Variants in GREM2 observed in about 807,000 individuals in gnomAD.
GREM2 encodes the protein gremlin 2, DAN family BMP antagonist, also known as gremlin-2.
In GREM2, 11 loss-of-function variants were observed where a neutral mutation model predicts 14.2. That is an observed-to-expected ratio of 0.78 (90% CI 0.49 to 1.28). GREM2 has a LOEUF of 1.28. GREM2 is among the 50% of genes most tolerant of loss of function. GREM2 has a pLI of 0.00. For missense variants in GREM2, 210 were observed against 218.5 expected, an observed-to-expected ratio of 0.96 and a Z score of 0.24; for synonymous variants, 98 against 97.6, an observed-to-expected ratio of 1.00 and a Z score of -0.02.
intron 1 of GREM2, among the ~76,000 whole-genome samples, chr1:240,556,852 C>T (rs79952507): frequency 0.036 from 5,543 of 151,966 alleles, 147 homozygotes; most frequent in Non-Finnish European, 0.056. Context: ...GGGACCACTG[C>T]GAAAGGTCGA....
At chr1:240,533,918 G>C (rs1678416559) in intron 1 of GREM2, among the ~76,000 whole-genome samples, 1 of 152,164 alleles carries the variant, frequency 6.6e-6, no homozygotes, top group Non-Finnish European at 1.5e-5. Flanking sequence ...GTGACGTTTA[G>C]TTCACATGGA....
intron 1 of GREM2, among the ~76,000 whole-genome samples, chr1:240,511,187 A>C (rs7548768): frequency 6.6e-6 from 1 of 151,948 alleles, no homozygotes; most frequent in Non-Finnish European, 1.5e-5. Context: ...ACAGATCTTG[A>C]ACTCTAACAT....
intron 1 of GREM2, among the ~76,000 whole-genome samples, chr1:240,526,764 A>G (rs1259784539): frequency 6.6e-6 from 1 of 152,210 alleles, no homozygotes; most frequent in Non-Finnish European, 1.5e-5. Context: ...ATTACGAAAA[A>G]AAAATCTGTG....
intron 1 of GREM2, among the ~76,000 whole-genome samples, chr1:240,541,690 A>G (rs1324326016): frequency 6.6e-6 from 1 of 151,742 alleles, no homozygotes; most frequent in Non-Finnish European, 1.5e-5. Context: ...ACATGGTAAG[A>G]ATTTTTTTTT....
intron 1 of GREM2, among the ~76,000 whole-genome samples, chr1:240,498,596 C>T (rs1316826155): frequency 6.6e-6 from 1 of 152,184 alleles, no homozygotes; most frequent in Non-Finnish European, 1.5e-5. Flanking sequence ...TCTTGCTTGC[C>T]TCTGTCCGTT....
intron 1 of GREM2, among the ~76,000 whole-genome samples, chr1:240,557,231 T>C (rs373867434): frequency 2.0e-5 from 3 of 150,152 alleles, no homozygotes; most frequent in Admixed American, 1.3e-4. Flanking sequence ...AAAAAATAAA[T>C]AAAACGAATC....
intron 1 of GREM2, among the ~76,000 whole-genome samples, chr1:240,604,501 A>G (rs906862511): frequency 1.3e-5 from 2 of 152,186 alleles, no homozygotes; most frequent in African/African-American, 4.8e-5. Context: ...CATGAAAGTA[A>G]TTCTGATTTC....
chr1:240,566,945 G>A (rs1679184194), intron 1 of GREM2, among the ~76,000 whole-genome samples: 1 of 152,132 alleles, frequency 6.6e-6, no homozygotes, highest in Non-Finnish European at 1.5e-5. Flanking sequence ...AAAATTGGCA[G>A]AGCACTACAT....
chr1:240,529,175 C>T (rs1371602071), intron 1 of GREM2, among the ~76,000 whole-genome samples: 1 of 151,156 alleles, frequency 6.6e-6, no homozygotes. Flanking sequence ...AAGTTTGGAC[C>T]CAATGATGTC....
chr1:240,606,616 G>A, intron 1 of GREM2, among the ~76,000 whole-genome samples: 1 of 151,396 alleles, frequency 6.6e-6, no homozygotes, highest in East Asian at 1.9e-4. Context: ...TTCAGTACTT[G>A]TAAGTGAATG....
At chr1:240,590,284 G>C (rs1013255088) in intron 1 of GREM2, among the ~76,000 whole-genome samples, 1 of 152,064 alleles carries the variant, frequency 6.6e-6, no homozygotes, top group Non-Finnish European at 1.5e-5. Flanking sequence ...GTAGTATCTC[G>C]ATAGCTTGCC....
intron 1 of GREM2, among the ~76,000 whole-genome samples, chr1:240,517,024 A>G (rs1226988335): frequency 6.6e-6 from 1 of 152,134 alleles, no homozygotes; most frequent in African/African-American, 2.4e-5. Flanking sequence ...TCATCTATAA[A>G]CTGGGGAAAA....
intron 1 of GREM2, among the ~76,000 whole-genome samples, chr1:240,597,654 T>A (rs1679847751): frequency 6.6e-6 from 1 of 152,208 alleles, no homozygotes; most frequent in South Asian, 2.1e-4. Context: ...ATATTCCCAA[T>A]GCTTGGCACA....
intron 1 of GREM2, among the ~76,000 whole-genome samples, chr1:240,498,088 C>T (rs1038291816): frequency 3.9e-5 from 6 of 152,090 alleles, no homozygotes; most frequent in Admixed American, 3.3e-4. Flanking sequence ...TCAGAGAGAA[C>T]AGAGCTAAGA....
chr1:240,509,638 G>T (rs1215607855), intron 1 of GREM2, among the ~76,000 whole-genome samples: 3 of 152,110 alleles, frequency 2.0e-5, no homozygotes, highest in Admixed American at 6.5e-5. Context: ...AGTGTGCTGG[G>T]ATTACAGGCA....
chr1:240,518,126 T>C (rs1185479569), intron 1 of GREM2, among the ~76,000 whole-genome samples: 1 of 152,222 alleles, frequency 6.6e-6, no homozygotes, highest in African/African-American at 2.4e-5. Context: ...GGTTTTGTCA[T>C]TGATGTCACT....
chr1:240,541,311 G>C (rs541797386), intron 1 of GREM2, among the ~76,000 whole-genome samples: 11 of 152,288 alleles, frequency 7.2e-5, no homozygotes, highest in African/African-American at 2.4e-4. Flanking sequence ...CTGGGCTGGA[G>C]CTGCCCTTCA....
At chr1:240,499,411 G>A (rs772310023) in intron 1 of GREM2, among the ~76,000 whole-genome samples, 1 of 152,186 alleles carries the variant, frequency 6.6e-6, no homozygotes, top group Non-Finnish European at 1.5e-5. Context: ...CCCCAGGGCT[G>A]AATAGCTGAA....
At chr1:240,594,255 G>A (rs542111927) in intron 1 of GREM2, among the ~76,000 whole-genome samples, 5 of 152,124 alleles carry the variant, frequency 3.3e-5, no homozygotes, top group South Asian at 2.1e-4. Context: ...CACTGCTCCC[G>A]GCCTCATCCT....
Sources: gnomAD v4.1 joint callset for allele counts (sites outside exome capture counted in the v4.1 genomes callset) on GRCh38, gnomAD v4.1.1 for gene constraint, MANE v1.5 for transcripts, NCBI Gene and HGNC (gene_info 2026-07-23, HGNC 2026-07-21) for gene names.